PATJ: variants seen among roughly 807,000 people sequenced by gnomAD.
PATJ encodes PATJ crumbs cell polarity complex component, also known as inaD-like protein.
A neutral mutation model predicts 224.9 loss-of-function variants in PATJ; 190 were observed. The observed-to-expected ratio is 0.84, with a 90% confidence interval of 0.75 to 0.95. The LOEUF is 0.95. PATJ is among the 40% of genes least tolerant of loss of function. The pLI, the probability that PATJ is intolerant of heterozygous loss-of-function variation, is 0.00. For synonymous variants in PATJ, 769 were observed against 820.3 expected (o/e 0.94, Z 1.07); for missense variants, 2,121 against 2,270.3 (o/e 0.93, Z 1.34).
At chr1:61,749,539 T>C (rs1397528986) in intron 1 of PATJ, among the ~76,000 whole-genome samples, 2 of 152,166 alleles carry the variant, frequency 1.3e-5, no homozygotes, top group East Asian at 1.9e-4. Context: ...TAGTGACCAA[T>C]AGGAAATGAT....
intron 1 of PATJ, among the ~76,000 whole-genome samples, chr1:61,762,199 G>A (rs1287304806): frequency 6.6e-6 from 1 of 152,114 alleles, no homozygotes; most frequent in Non-Finnish European, 1.5e-5. Flanking sequence ...CTATGACCCT[G>A]CCCCAGGTAA....
chr1:62,012,535 C>T (rs1558038058), intron 28 of PATJ, among the ~76,000 whole-genome samples: 3 of 151,974 alleles, frequency 2.0e-5, no homozygotes, highest in African/African-American at 7.2e-5. Context: ...GAATAATGCC[C>T]TCAGAGAACA....
chr1:62,056,367 A>G (rs893114835), intron 31 of PATJ, among the ~76,000 whole-genome samples: 2 of 152,196 alleles, frequency 1.3e-5, no homozygotes, highest in Admixed American at 1.3e-4. Flanking sequence ...GAAATGTTAA[A>G]TAAATTGCCT....
chr1:62,018,165 G>A lies in PATJ; in HGVS notation c.3959+218G>A, dbSNP rs1040062870. On this transcript the variant is annotated intron_variant, in intron 29 of 43. Coordinates refer to ENST00000642238, the MANE Select transcript of PATJ (RefSeq NM_001350145.3). This position sits in a 1 kb window ranked among gnomAD's most constrained non-coding sequence, Gnocchi z 4.2. ...TCATGGGATAGAATTGGTAGCTGAGGCTAGTATTTATATTTCAGTTATAAA... is the reference window on the plus strand; with the variant it reads ...TCATGGGATAGAATTGGTAGCTGAGACTAGTATTTATATTTCAGTTATAAA... Among the ~76,000 whole-genome samples, 2 of 152,146 alleles carry A rather than the reference G, an allele frequency of 1.3e-5. No homozygotes were observed. The highest frequency in any genetic ancestry group is 4.8e-5 in the African/African-American group (2 of 41,426).
rs1221528856 is a variant in PATJ, at chr1:61,859,563, C to G, written c.2323-1988C>G. Among the ~76,000 whole-genome samples the G allele has an allele frequency of 2.0e-5, 3 of 151,780 alleles. No individual in the cohort carries two copies. In the East Asian group the frequency reaches 5.8e-4, roughly 29 times the overall value. Reference sequence around the variant, plus strand: ...TCTCTCTCTCTCCCTCTCTCTCTCCCCTTCTCTCTCTCTCATAGTAAAATT... The same window carrying G: ...TCTCTCTCTCTCCCTCTCTCTCTCCGCTTCTCTCTCTCTCATAGTAAAATT... On this transcript the variant is annotated intron_variant, in intron 18 of 43. Coordinates refer to ENST00000642238, the MANE Select transcript of PATJ (RefSeq NM_001350145.3).
intron 27 of PATJ, among the ~76,000 whole-genome samples, chr1:61,965,390 A>G (rs1408861475): frequency 6.6e-6 from 1 of 152,076 alleles, no homozygotes; most frequent in Non-Finnish European, 1.5e-5. Flanking sequence ...GGGTCAGTAG[A>G]TGTTATTTGC....
intron 27 of PATJ, among the ~76,000 whole-genome samples, chr1:61,965,804 G>T (rs568821702): frequency 6.6e-6 from 1 of 152,308 alleles, no homozygotes; most frequent in Admixed American, 6.5e-5. Flanking sequence ...GGAGAGATTT[G>T]TACTAGGAGA....
intron 28 of PATJ, among the ~76,000 whole-genome samples, chr1:62,015,293 G>A (rs752652587): frequency 2.3e-4 from 35 of 151,426 alleles, no homozygotes; most frequent in Non-Finnish European, 4.1e-4. Flanking sequence ...AACAGAGCAA[G>A]ACTCTGTCTC....
intron 34 of PATJ, among the ~76,000 whole-genome samples, chr1:62,112,461 G>A (rs781150916): frequency 6.6e-5 from 10 of 152,124 alleles, no homozygotes; most frequent in African/African-American, 2.2e-4. Flanking sequence ...AGCCGGGATC[G>A]CACCACTATA....
chr1:62,056,109 T>C (rs1407648759), intron 31 of PATJ, among the ~76,000 whole-genome samples: 1 of 152,190 alleles, frequency 6.6e-6, no homozygotes, highest in Non-Finnish European at 1.5e-5. Context: ...CCAAACTGGA[T>C]GAGGGTAGGT....
chr1:61,901,329 T>G lies in PATJ; in HGVS notation c.3251T>G (p.Val1084Gly). The change falls in exon 24 of 44, where the codon GTT becomes GGT. Residue 1084 changes from valine to glycine, a missense_variant. Physicochemically the swap from Val to Gly is moderately radical, Grantham distance 109. Transcript: ENST00000642238. ...EPNVSLGISI[V>G]GGQTVIKRLK... Reference sequence around the variant, plus strand: ...AATGTGTCTCTTGGGATCAGTATTGTTGGTGGACAAACTGTTATAAAACGT... The same window carrying G: ...AATGTGTCTCTTGGGATCAGTATTGGTGGTGGACAAACTGTTATAAAACGT... The G allele has an allele frequency of 6.3e-7, 1 of 1,578,940 alleles. No individual in the cohort carries two copies. The highest frequency in any genetic ancestry group is 1.4e-5 in the African/African-American group (1 of 72,586).
chr1:61,814,548 G>GTGTGTGTGTGTT (rs386353992), intron 14 of PATJ, among the ~76,000 whole-genome samples: 2 of 53,830 alleles, frequency 3.7e-5, no homozygotes, highest in African/African-American at 1.8e-4. Context: ...GTGTGTGTGT[G>GTGTGTGTGTGTT]CGCGCGCGCG....
intron 29 of PATJ, among the ~76,000 whole-genome samples, chr1:62,033,951 C>T (rs1649825990): frequency 6.6e-6 from 1 of 152,224 alleles, no homozygotes; most frequent in Non-Finnish European, 1.5e-5. Context: ...CAGAGCATGG[C>T]AAGTACAGCA....
chr1:61,759,410 CT>C (rs56222334), intron 1 of PATJ, among the ~76,000 whole-genome samples: 22,990 of 129,914 alleles, frequency 0.18, 1,304 homozygotes, highest in Non-Finnish European at 0.23. Flanking sequence ...ATTTTAATTG[CT>C]TTTTTTTTTT....
rs35918825 is a variant in PATJ at position 61,748,246 on chromosome 1, C to CTTTTT, written c.-36+5714_-36+5718dup. 1.4e-4 allele frequency among the ~76,000 whole-genome samples: 9 copies of CTTTTT among 65,108 alleles called. 1 individual carries two copies. Among genetic ancestry groups the CTTTTT allele is most frequent in the Admixed American group, 2.5e-4 (1 of 3,986 alleles). 42.7% of individuals were successfully genotyped at this position (65,108 alleles called of 152,430 possible). ...TGCTATGTGTATACTGCCTTAATGC[C>CTTTTT]TTTTTTTTTTTTTTTTTTTTTTTTT... On this transcript the variant is annotated intron_variant, in intron 1 of 43. Transcript: ENST00000642238.
chr1:61,765,854 C>A (rs2148319838), intron 3 of PATJ, among the ~76,000 whole-genome samples: 1 of 152,260 alleles, frequency 6.6e-6, no homozygotes, highest in Middle Eastern at 3.4e-3. Context: ...ATAGTACTTA[C>A]TCATAGCAAG....
chr1:61,869,503 A>C (rs888890857), intron 20 of PATJ, among the ~76,000 whole-genome samples: 1 of 152,088 alleles, frequency 6.6e-6, no homozygotes, highest in Non-Finnish European at 1.5e-5. Context: ...CCACCTCAAG[A>C]GGGAATGTTT....
chr1:61,814,539 T>C (rs1655659453), intron 14 of PATJ, among the ~76,000 whole-genome samples: 2 of 138,726 alleles, frequency 1.4e-5, no homozygotes, highest in Non-Finnish European at 3.0e-5. Context: ...TGTGTGTGTG[T>C]GTGTGTGTGC....
At position 62,136,997 on chromosome 1, in the gene PATJ, A is replaced by ATCTT. The variant is rs565452205; in HGVS notation, c.5271+8057_5271+8060dup. Among the ~76,000 whole-genome samples, 100 of 152,244 alleles carry ATCTT rather than the reference A, an allele frequency of 6.6e-4. 3 individuals carry two copies. The highest frequency in any genetic ancestry group is 1.7e-3 in the Admixed American group (26 of 15,274). Reference sequence around the variant, plus strand: ...AGCTCAAGCTTTTATGCATTGTAATATCTTTCTTATCTGGAAATTATTTTG... The same window carrying ATCTT: ...AGCTCAAGCTTTTATGCATTGTAATATCTTTCTTTCTTATCTGGAAATTATTTTG... On this transcript the variant is annotated intron_variant, in intron 41 of 43. Transcript: ENST00000642238.
Sources: gnomAD v4.1 joint callset for allele counts (sites outside exome capture counted in the v4.1 genomes callset) on GRCh38, gnomAD v4.1.1 for gene constraint, Gnocchi (gnomAD v3.1) non-coding constraint, MANE v1.5 for transcripts, NCBI Gene and HGNC (gene_info 2026-07-23, HGNC 2026-07-21) for gene names.